Variants in SMIM28 observed in about 807,000 individuals in gnomAD.
The protein encoded by SMIM28 is small integral membrane protein 28.
chr6:138,378,898 G>GA (rs563557010), intron 1 of SMIM28, among the ~76,000 whole-genome samples: 1 of 151,926 alleles, frequency 6.6e-6, no homozygotes, highest in Admixed American at 6.6e-5. Context: ...ACATTTTACA[G>GA]AAAAAAATAC....
chr6:138,378,423 A>G (rs1196399396), intron 1 of SMIM28, among the ~76,000 whole-genome samples: 1 of 152,244 alleles, frequency 6.6e-6, no homozygotes, highest in Non-Finnish European at 1.5e-5. Flanking sequence ...AACACTTGAT[A>G]TCTGAAATAT....
intron 1 of SMIM28, among the ~76,000 whole-genome samples, chr6:138,379,226 T>G (rs1774288448): frequency 6.6e-6 from 1 of 152,170 alleles, no homozygotes; most frequent in South Asian, 2.1e-4. Flanking sequence ...CTCCTTTGTC[T>G]CAAGAAATTG....
intron 1 of SMIM28, among the ~76,000 whole-genome samples, chr6:138,380,409 C>T (rs1774298052): frequency 6.6e-6 from 1 of 152,286 alleles, no homozygotes; most frequent in South Asian, 2.1e-4. Context: ...CAAGTCAAAA[C>T]CACACACATA....
intron 1 of SMIM28, 86 bp from the exon 2 acceptor site, chr6:138,382,414 A>AAAG (rs1554214055): frequency 3.3e-4 from 112 of 341,396 alleles, no homozygotes; most frequent in African/African-American, 2.9e-3. Flanking sequence ...AAAAAAAAAA[A>AAAG]AAAGAAAGAA....
chr6:138,380,762 G>T (rs771430440), intron 1 of SMIM28, among the ~76,000 whole-genome samples: 1 of 94,842 alleles, frequency 1.1e-5, no homozygotes, highest in Non-Finnish European at 1.9e-5. Flanking sequence ...GCGAGACCCC[G>T]TCTCTAAATA....
intron 1 of SMIM28, among the ~76,000 whole-genome samples, chr6:138,380,959 G>A (rs1774306153): frequency 6.6e-6 from 1 of 151,568 alleles, no homozygotes; most frequent in Admixed American, 6.6e-5. Context: ...ACGGAGTGAA[G>A]TGGCACAATC....
chr6:138,378,116 C>G lies in SMIM28; in HGVS notation c.44C>G (p.Ala15Gly). ...LGSSWKKFGHAGRGTYEWLTS... is the reference protein window; with the variant it reads ...LGSSWKKFGHGGRGTYEWLTS... Reference sequence around the variant, plus strand: ...AGCAGCTGGAAGAAGTTTGGACATGCTGGCCGGGGGACATATGAGTGGTTA... The same window carrying G: ...AGCAGCTGGAAGAAGTTTGGACATGGTGGCCGGGGGACATATGAGTGGTTA... The change falls in exon 1 of 2, where the codon GCT (alanine) becomes GGT (glycine). Residue 15 changes from alanine (A) to glycine (G), a missense_variant. By Grantham distance (60) the Ala-to-Gly change is moderately conservative (BLOSUM62 0). Coordinates refer to ENST00000573100, the MANE Select transcript of SMIM28 (RefSeq NM_001368163.3). 2.5e-6 allele frequency: 1 copy of G among 398,764 alleles called. No individual in the cohort carries two copies. The allele number at this position is 398,764 out of a possible 1,614,324, so 24.7% of individuals were successfully genotyped here. A position where few individuals can be genotyped will look rare whatever the true frequency, so the allele number is the denominator to read the frequency against.
intron 1 of SMIM28, among the ~76,000 whole-genome samples, chr6:138,381,873 C>T (rs1454585205): frequency 6.6e-6 from 1 of 152,148 alleles, no homozygotes; most frequent in East Asian, 1.9e-4. Flanking sequence ...GAACAGCGGA[C>T]CTACTAACTA....
At chr6:138,379,252 T>C (rs1774288610) in intron 1 of SMIM28, among the ~76,000 whole-genome samples, 1 of 152,230 alleles carries the variant, frequency 6.6e-6, no homozygotes, top group Admixed American at 6.5e-5. Flanking sequence ...GTTTGCTGTA[T>C]AAAAGTCTTC....
chr6:138,381,804 T>C (rs1418303443), intron 1 of SMIM28, among the ~76,000 whole-genome samples: 1 of 152,190 alleles, frequency 6.6e-6, no homozygotes, highest in Non-Finnish European at 1.5e-5. Flanking sequence ...TAAATCATAA[T>C]TGGTCTCATT....
chr6:138,382,482 T>C lies in SMIM28; in HGVS notation c.112-18T>C. On this transcript the variant is annotated intron_variant, in intron 1 of 1. Coordinates refer to ENST00000573100, the MANE Select transcript of SMIM28 (RefSeq NM_001368163.3). ...TTCTTTCCACATTTCCTAACTAGGCTTCCTTCCCTAACTCCAGGGCACCCA... is the reference window on the plus strand; with the variant it reads ...TTCTTTCCACATTTCCTAACTAGGCCTCCTTCCCTAACTCCAGGGCACCCA... 2.5e-6 allele frequency: 1 copy of C among 396,030 alleles called. No homozygotes were observed. Among genetic ancestry groups the C allele is most frequent in the Non-Finnish European group, 4.4e-6 (1 of 225,736 alleles). 24.5% of individuals were successfully genotyped at this position (396,030 alleles called of 1,614,324 possible).
intron 1 of SMIM28, among the ~76,000 whole-genome samples, chr6:138,379,935 C>CT (rs1270805322): frequency 6.6e-6 from 1 of 152,072 alleles, no homozygotes; most frequent in South Asian, 2.1e-4. Context: ...ACATAAGAGA[C>CT]TTTTTCTGAA....
intron 1 of SMIM28, among the ~76,000 whole-genome samples, chr6:138,381,660 C>T (rs6918995): frequency 3.9e-5 from 6 of 152,160 alleles, no homozygotes; most frequent in Middle Eastern, 3.4e-3. Flanking sequence ...ATTCATCATA[C>T]GCACCATCAA....
rs1774337083 is a variant in SMIM28, at chr6:138,383,155, A to G, written c.*308A>G. 5.4e-6 allele frequency: 1 copy of G among 183,612 alleles called. No individual in the cohort carries two copies. The allele number at this position is 183,612 out of a possible 1,614,324, so 11.4% of individuals were successfully genotyped here. A position where few individuals can be genotyped will look rare whatever the true frequency, so the allele number is the denominator to read the frequency against. ...GAGAAAAAAAGGAAAGTTCTATGTG[A>G]GTTGAAAAAAAAAAAAACACTTAAT... is the stretch of plus-strand genomic sequence containing the variant. On this transcript the variant is annotated 3_prime_UTR_variant, in exon 2 of 2. Coordinates refer to ENST00000573100, the MANE Select transcript of SMIM28 (RefSeq NM_001368163.3).
At chr6:138,378,987 C>CT (rs75624680) in intron 1 of SMIM28, among the ~76,000 whole-genome samples, 25,673 of 151,730 alleles carry the variant, frequency 0.17, 3,997 homozygotes, top group African/African-American at 0.42. Flanking sequence ...AAAACATCCC[C>CT]GAACAACAAA....
Position 138,383,184 on chromosome 6 carries a change from T to G in SMIM28, c.*337T>G. On this transcript the variant is annotated 3_prime_UTR_variant, in exon 2 of 2. Coordinates refer to ENST00000573100, the MANE Select transcript of SMIM28 (RefSeq NM_001368163.3). Reference sequence around the variant, plus strand: ...GAAAAAAAAAAAAACACTTAATTACTAATGAGCACAGGAACAGGCTCTGAA... The same window carrying G: ...GAAAAAAAAAAAAACACTTAATTACGAATGAGCACAGGAACAGGCTCTGAA... 1.2e-5 allele frequency: 2 copies of G among 167,112 alleles called. No individual in the cohort carries two copies. The highest frequency in any genetic ancestry group is 2.5e-5 in the Non-Finnish European group (2 of 78,578). 10.4% of individuals were successfully genotyped at this position (167,112 alleles called of 1,614,324 possible). A position where few individuals can be genotyped will look rare whatever the true frequency, so the allele number is the denominator to read the frequency against.
Position 138,382,490 on chromosome 6 carries a change from C to G in SMIM28, c.112-10C>G, listed in dbSNP as rs572751911. On this transcript the variant is annotated splice_polypyrimidine_tract_variant and intron_variant, in intron 1 of 1. Transcript: ENST00000573100. ...ACATTTCCTAACTAGGCTTCCTTCC[C>G]TAACTCCAGGGCACCCAGGGGGTGA... is the stretch of plus-strand genomic sequence containing the variant. 2.5e-6 allele frequency: 1 copy of G among 397,994 alleles called. No individual in the cohort carries two copies. Among genetic ancestry groups the G allele is most frequent in the African/African-American group, 2.1e-5 (1 of 48,494 alleles). 24.7% of individuals were successfully genotyped at this position (397,994 alleles called of 1,614,324 possible). A position where few individuals can be genotyped will look rare whatever the true frequency, so the allele number is the denominator to read the frequency against.
chr6:138,382,552 T>C lies in SMIM28; in HGVS notation c.164T>C (p.Ile55Thr), dbSNP rs1289381993. Residue 55 changes from isoleucine (I) to threonine (T), a missense_variant, in exon 2 of 2, where the codon ATC (isoleucine) becomes ACC (threonine). Physicochemically the swap from Ile to Thr is moderately conservative, Grantham distance 89. Coordinates refer to ENST00000573100, the MANE Select transcript of SMIM28 (RefSeq NM_001368163.3). ...TQEDVEPFLC[I>T]LLPATILLFL... ...GAGGATGTGGAGCCCTTCCTGTGCATCCTTCTGCCGGCCACCATCCTGCTC... is the reference window on the plus strand; with the variant it reads ...GAGGATGTGGAGCCCTTCCTGTGCACCCTTCTGCCGGCCACCATCCTGCTC... 1.3e-5 allele frequency: 5 copies of C among 398,548 alleles called. No individual in the cohort carries two copies. The highest frequency in any genetic ancestry group is 4.4e-5 in the Admixed American group (1 of 22,692). 24.7% of individuals were successfully genotyped at this position (398,548 alleles called of 1,614,324 possible).
At chr6:138,378,397 A>C (rs1296465595) in intron 1 of SMIM28, among the ~76,000 whole-genome samples, 1 of 152,230 alleles carries the variant, frequency 6.6e-6, no homozygotes, top group Non-Finnish European at 1.5e-5. Context: ...AAAACTTGGC[A>C]CAACTATATC....
Sources: allele counts gnomAD v4.1 joint callset (sites outside exome capture counted in the v4.1 genomes callset), GRCh38; gene constraint gnomAD v4.1.1; transcripts MANE v1.5; gene names NCBI Gene and HGNC (gene_info 2026-07-23, HGNC 2026-07-21).